Variants in RPS6KA6 observed in about 807,000 individuals in gnomAD.
RPS6KA6 encodes the protein ribosomal protein S6 kinase alpha-6.
A neutral mutation model predicts 65.4 loss-of-function variants in RPS6KA6; 27 were observed. The observed-to-expected ratio is 0.41, with a 90% CI of 0.30 to 0.57. The LOEUF (loss-of-function observed/expected upper bound fraction) is 0.57. Ranked by LOEUF, RPS6KA6 falls within the 20% of genes least tolerant of loss-of-function variation. The pLI is 0.24. For synonymous variants in RPS6KA6, 190 were observed against 184.2 expected, an observed-to-expected ratio of 1.03 and a Z score of -0.26; for missense variants, 486 against 555.6, an observed-to-expected ratio of 0.87 and a Z score of 1.26.
At chrX:84,146,344 G>A (rs1463813226) in intron 5 of RPS6KA6, among the ~76,000 whole-genome samples, 1 of 111,617 alleles carries the variant, frequency 9.0e-6, no homozygotes, top group Non-Finnish European at 1.9e-5. Flanking sequence ...ATCAACAGCT[G>A]CTACTTTTTT....
At position 84,062,054 on chromosome X, in the gene RPS6KA6, C is replaced by G. The variant is rs1392000316; in HGVS notation, c.*2223G>C. On this transcript the variant is annotated 3_prime_UTR_variant, in exon 22 of 22. Transcript: ENST00000262752. ...CACTAGAAAACTCTCAAACAATTAT[C>G]GGGTACATCCAGTAGCATACCTGTA... 1 of 111,398 alleles carries G rather than the reference C, an allele frequency of 9.0e-6. No individual in the cohort carries two copies. Among genetic ancestry groups the G allele is most frequent in the African/African-American group, 3.3e-5 (1 of 30,676 alleles). 9.2% of individuals were successfully genotyped at this position (111,398 alleles called of 1,213,427 possible). A position where few individuals can be genotyped will look rare whatever the true frequency, so the allele number is the denominator to read the frequency against.
intron 3 of RPS6KA6, among the ~76,000 whole-genome samples, chrX:84,153,139 T>C (rs1164203688): frequency 8.9e-6 from 1 of 111,996 alleles, no homozygotes; most frequent in Non-Finnish European, 1.9e-5. Flanking sequence ...TGTAAGCATA[T>C]GTTTTTAAAA....
intron 1 of RPS6KA6, among the ~76,000 whole-genome samples, chrX:84,171,448 G>C (rs2035682107): frequency 8.9e-6 from 1 of 111,825 alleles, no homozygotes; most frequent in Non-Finnish European, 1.9e-5. Flanking sequence ...TTTTAAAATA[G>C]ATCTTTACTT....
chrX:84,156,983 C>T (rs991299346), intron 2 of RPS6KA6, among the ~76,000 whole-genome samples: 2 of 112,288 alleles, frequency 1.8e-5, no homozygotes, highest in African/African-American at 6.5e-5. Flanking sequence ...CTAAGACCCA[C>T]AGAATTTAAC....
chrX:84,070,814 T>C (rs1470320724), intron 20 of RPS6KA6, among the ~76,000 whole-genome samples: 2 of 111,375 alleles, frequency 1.8e-5, no homozygotes, highest in Non-Finnish European at 3.8e-5. Flanking sequence ...ACCTAAATGG[T>C]TATTGGAAAA....
chrX:84,129,797 A>G (rs980498373), intron 8 of RPS6KA6, among the ~76,000 whole-genome samples: 1 of 111,175 alleles, frequency 9.0e-6, no homozygotes, highest in African/African-American at 3.3e-5. Flanking sequence ...AATTAAAATA[A>G]TTGAACTCAT....
rs755009018 is a variant in RPS6KA6, at chrX:84,096,285, T to C, written c.1880A>G (p.Asn627Ser). The change falls in exon 20 of 22, where the codon AAT becomes AGT. Residue 627 changes from asparagine (N) to serine (S), a missense_variant. Physicochemically the swap from Asn to Ser is conservative, Grantham distance 46. Transcript: ENST00000262752. ...CAGCAGTATCTCTTCAGGAGTATCA[T>C]TGGGGCCATTAGCAAATGGAGTGTA... is the stretch of plus-strand genomic sequence containing the variant. ...AGYTPFANGP[N>S]DTPEEILLRI... 3.6e-5 allele frequency: 42 copies of C among 1,163,417 alleles called. No individual in the cohort carries two copies. The highest frequency in any genetic ancestry group is 1.2e-4 in the South Asian group (6 of 51,675).
At chrX:84,073,739 T>C (rs1380426019) in intron 20 of RPS6KA6, among the ~76,000 whole-genome samples, 2 of 111,137 alleles carry the variant, frequency 1.8e-5, no homozygotes, top group Admixed American at 1.9e-4. Context: ...CTTTTTTTTT[T>C]CAAAAGAATA....
At chrX:84,138,490 C>A (rs1001668954) in intron 6 of RPS6KA6, among the ~76,000 whole-genome samples, 1 of 111,330 alleles carries the variant, frequency 9.0e-6, no homozygotes, top group Non-Finnish European at 1.9e-5. Flanking sequence ...GAGGTTGAGG[C>A]TGCAATGAGC....
intron 2 of RPS6KA6, among the ~76,000 whole-genome samples, chrX:84,163,350 T>G: frequency 9.0e-6 from 1 of 111,609 alleles, no homozygotes; most frequent in Non-Finnish European, 1.9e-5. Context: ...TTAAAAAATC[T>G]ATAACTCGGC....
At chrX:84,177,969 T>C (rs1218164856) in intron 1 of RPS6KA6, among the ~76,000 whole-genome samples, 6 of 110,750 alleles carry the variant, frequency 5.4e-5, no homozygotes, top group Non-Finnish European at 1.1e-4. Flanking sequence ...TAATTTTTTA[T>C]TCTTTTTAGA....
chrX:84,071,493 A>T (rs1041015322), intron 20 of RPS6KA6, among the ~76,000 whole-genome samples: 1 of 111,792 alleles, frequency 8.9e-6, no homozygotes, highest in Non-Finnish European at 1.9e-5. Context: ...ACCCAAAAGT[A>T]TGAAACTGTT....
chrX:84,072,003 C>T (rs1246518635), intron 20 of RPS6KA6, among the ~76,000 whole-genome samples: 1 of 111,586 alleles, frequency 9.0e-6, no homozygotes, highest in Non-Finnish European at 1.9e-5. Flanking sequence ...TTCTTAAGAG[C>T]AAATACCAAT....
chrX:84,104,499 T>A lies in RPS6KA6; in HGVS notation c.1614A>T (p.Gly538=). The change falls in exon 17 of 22, where the codon GGA becomes GGT. Residue 538 remains glycine (G), a splice_region_variant and synonymous_variant. Coordinates refer to ENST00000262752, the MANE Select transcript of RPS6KA6 (RefSeq NM_014496.5). ...SKTVDYLHCQ[G]VVHRDLKPSN... is the part of the protein sequence containing the mutation. ...AAGAAAAAAGTTAACTACAACTTAC[T>A]CCTTGACAATGAAGATAGTCAACTG... The A allele has an allele frequency of 8.9e-7, 1 of 1,126,870 alleles. No homozygotes were observed. The highest frequency in any genetic ancestry group is 1.2e-6 in the Non-Finnish European group (1 of 850,596). 92.9% of individuals were successfully genotyped at this position (1,126,870 alleles called of 1,213,427 possible).
chrX:84,111,816 G>T (rs2034475932), intron 12 of RPS6KA6, among the ~76,000 whole-genome samples: 1 of 111,350 alleles, frequency 9.0e-6, no homozygotes, highest in Non-Finnish European at 1.9e-5. Flanking sequence ...AATTATGACA[G>T]GATTAAAACC....
At chrX:84,151,112 T>C (rs1319359667) in intron 3 of RPS6KA6, among the ~76,000 whole-genome samples, 3 of 98,976 alleles carry the variant, frequency 3.0e-5, no homozygotes, top group African/African-American at 1.1e-4. Flanking sequence ...TATATATAGA[T>C]ATATATAGGA....
chrX:84,174,125 T>C (rs1195148336), intron 1 of RPS6KA6, among the ~76,000 whole-genome samples: 2 of 112,225 alleles, frequency 1.8e-5, no homozygotes, highest in Non-Finnish European at 3.8e-5. Context: ...TTTTAATTTG[T>C]ACTGTGTCTT....
intron 18 of RPS6KA6, among the ~76,000 whole-genome samples, chrX:84,100,423 T>A (rs185094638): frequency 2.2e-4 from 24 of 111,493 alleles, no homozygotes; most frequent in African/African-American, 7.8e-4. Context: ...TTAATGTCTG[T>A]TGTTGATATG....
At chrX:84,090,249 A>T (rs1242488038) in intron 20 of RPS6KA6, among the ~76,000 whole-genome samples, 1 of 111,954 alleles carries the variant, frequency 8.9e-6, no homozygotes, top group Non-Finnish European at 1.9e-5. Flanking sequence ...ATAATAATAA[A>T]TAATTATCTT....
Sources: allele counts gnomAD v4.1 joint callset (sites outside exome capture counted in the v4.1 genomes callset), GRCh38; gene constraint gnomAD v4.1.1; transcripts MANE v1.5; gene names NCBI Gene and HGNC (gene_info 2026-07-23, HGNC 2026-07-21).